BRD8: variants seen among roughly 807,000 people sequenced by gnomAD.
BRD8 encodes bromodomain containing 8, also known as bromodomain-containing protein 8.
Under a neutral mutation model 143.1 loss-of-function variants are expected in BRD8, and 67 were observed. The ratio of observed to expected loss-of-function variants is 0.47; its 90% confidence interval spans 0.38 to 0.57. BRD8 has a LOEUF of 0.57. Ranked by LOEUF, BRD8 falls within the 20% of genes least tolerant of loss-of-function variation. BRD8 has a pLI of 0.00. For missense variants in BRD8, 1,103 were observed against 1,503.0 expected, an observed-to-expected ratio of 0.73 and a Z score of 4.40; for synonymous variants, 505 against 517.1, an observed-to-expected ratio of 0.98 and a Z score of 0.32.
chr5:138,167,272 A>AC (rs1753515386), intron 9 of BRD8, among the ~76,000 whole-genome samples: 1 of 151,986 alleles, frequency 6.6e-6, no homozygotes, highest in Non-Finnish European at 1.5e-5. Flanking sequence ...TGTCTCAAAA[A>AC]AAACAACAAC....
At chr5:138,142,060 C>G (rs1004140297) in intron 25 of BRD8, among the ~76,000 whole-genome samples, 9 of 152,232 alleles carry the variant, frequency 5.9e-5, no homozygotes, top group South Asian at 4.1e-4. Context: ...GAGGTGGAGC[C>G]TTTGGGAGGT....
In BRD8 at chr5:138,163,169, A is replaced by G; in HGVS notation, c.2048T>C (p.Leu683Pro). ...AGGGCTGCTGGGGATGGAGTCTGCC[A>G]GTGTGTGTGACTGCAGTGTAGCATT... ...IHNATLQSHT[L>P]ADSIPSSPAS... The change falls in exon 15 of 27, where the codon CTG becomes CCG. Residue 683 changes from leucine to proline, a missense_variant. Around this residue, in one of 7 missense-constraint regions of BRD8, gnomAD observed 75 missense variants for 111.7 expected, o/e 0.67. Transcript: ENST00000254900. 6.2e-7 allele frequency: 1 copy of G among 1,614,112 alleles called. No homozygotes were observed. The highest frequency in any genetic ancestry group is 8.5e-7 in the Non-Finnish European group (1 of 1,180,022).
chr5:138,166,687 T>G lies in BRD8; in HGVS notation c.828A>C (p.Thr276=), dbSNP rs960275426. 3 of 1,613,704 alleles carry G rather than the reference T, an allele frequency of 1.9e-6. No homozygotes were observed. Among genetic ancestry groups the G allele is most frequent in the Non-Finnish European group, 2.5e-6 (3 of 1,179,846 alleles). Residue 276 remains threonine, a synonymous_variant, in exon 10 of 27, where the codon ACA becomes ACC. Coordinates refer to ENST00000254900, the MANE Select transcript of BRD8 (RefSeq NM_139199.2). The part of the protein sequence containing the change: ...TLSRLLEAGP[T]QFTTPLASFT... Reference sequence around the variant, plus strand: ...AGGAAGCAAGAGGTGTGGTGAACTGTGTAGGACCAGCTTCTAAAAGCCGGG... The same window carrying G: ...AGGAAGCAAGAGGTGTGGTGAACTGGGTAGGACCAGCTTCTAAAAGCCGGG...
At chr5:138,148,025 T>C (rs900464558) in intron 23 of BRD8, among the ~76,000 whole-genome samples, 2 of 152,002 alleles carry the variant, frequency 1.3e-5, no homozygotes, top group Non-Finnish European at 2.9e-5. Flanking sequence ...AGTCCTATAA[T>C]TATCTATACA....
chr5:138,165,067 CCCAGGGGCCAG>C lies in BRD8; in HGVS notation c.1367_1377del (p.Pro456ArgfsTer29). On this transcript the variant is annotated frameshift_variant, in exon 12 of 27. Transcript: ENST00000254900. LOFTEE classifies it high-confidence loss of function. ...TCCCGCTCCTGCTGGATAGGATGCTCCCAGGGGCCAGGCAGGGACTGAGGATCATCATTTTC... is the reference window on the plus strand; with the variant it reads ...TCCCGCTCCTGCTGGATAGGATGCTCGCAGGGACTGAGGATCATCATTTTC... The C allele has an allele frequency of 6.2e-7, 1 of 1,614,078 alleles. No individual in the cohort carries two copies. Among genetic ancestry groups the C allele is most frequent in the Non-Finnish European group, 8.5e-7 (1 of 1,180,006 alleles).
At position 138,157,400 on chromosome 5, in the gene BRD8, G is replaced by A; in HGVS notation, c.2577+2155C>T. On this transcript the variant is annotated intron_variant, in intron 20 of 26. Transcript: ENST00000254900. The stretch of plus-strand genomic sequence containing the variant: ...CAGCAGAAAAATCCAGAGGGATGAG[G>A]GGCATATTTCTGTCTTCCCACAGAG... The A allele has an allele frequency of 4.3e-6, 5 of 1,163,112 alleles. No individual in the cohort carries two copies. In the Admixed American group the frequency reaches 6.6e-5, roughly 15 times the overall value. 72.0% of individuals were successfully genotyped at this position (1,163,112 alleles called of 1,614,324 possible).
rs1286417251 is a variant in BRD8 at position 138,150,795 on chromosome 5, C to T, written c.3070G>A (p.Ala1024Thr). 6.2e-7 allele frequency: 1 copy of T among 1,614,192 alleles called. No individual in the cohort carries two copies. The highest frequency in any genetic ancestry group is 1.1e-5 in the South Asian group (1 of 91,078). The change falls in exon 22 of 27, where the codon GCT (alanine) becomes ACT (threonine). Residue 1024 changes from alanine to threonine, a missense_variant. Physicochemically the swap from Ala to Thr is moderately conservative, Grantham distance 58. Transcript: ENST00000254900. ...GENGKPEVAS[A>T]PSVICTVQGL... is the part of the protein sequence containing the mutation. ...TGAACTGTACAAATAACTGAGGGAG[C>T]TGAAGCCACCTCTGGCTTTCCATTT...
intron 25 of BRD8, among the ~76,000 whole-genome samples, chr5:138,143,756 A>G (rs1418724338): frequency 1.3e-5 from 2 of 152,140 alleles, no homozygotes; most frequent in African/African-American, 4.8e-5. Flanking sequence ...ACCAATCAGC[A>G]CTCTGTAAAA....
At chr5:138,165,751 G>A (rs1753364265) in intron 11 of BRD8, 77 bp downstream of exon 11, 4 of 1,244,430 alleles carry the variant, frequency 3.2e-6, no homozygotes, top group South Asian at 1.5e-5. Context: ...AAAAGCAGCA[G>A]CAGCACCAAA....
rs754063853 is a variant in BRD8 at position 138,164,152 on chromosome 5, C to T, written c.1826-19G>A. 4 of 1,613,636 alleles carry T rather than the reference C, an allele frequency of 2.5e-6. No individual in the cohort carries two copies. The highest frequency in any genetic ancestry group is 2.2e-5 in the South Asian group (2 of 91,070). ...AATGAGTCTGCAGAGGAGAGAAAGA[C>T]TACCTGAAGATTTTTCCACCTTAGC... On this transcript the variant is annotated intron_variant, in intron 13 of 26. Transcript: ENST00000254900.
In BRD8 at chr5:138,163,242, C is replaced by A; in HGVS notation, c.1975G>T (p.Asp659Tyr). The change falls in exon 15 of 27, where the codon GAT becomes TAT. Residue 659 changes from aspartate to tyrosine, a missense_variant. Coordinates refer to ENST00000254900, the MANE Select transcript of BRD8 (RefSeq NM_139199.2). The stretch of plus-strand genomic sequence containing the variant: ...CTCTCGCTCACAGGAGGTTCATTAT[C>A]CATTTCTGACAAGTAGCCTTCTCCT... ...DQGEGYLSEM[D>Y]NEPPVSESDD... is the part of the protein sequence containing the mutation. The A allele has an allele frequency of 6.2e-7, 1 of 1,614,102 alleles. No homozygotes were observed. Among genetic ancestry groups the A allele is most frequent in the Non-Finnish European group, 8.5e-7 (1 of 1,180,012 alleles).
At position 138,152,494 on chromosome 5, in the gene BRD8, G is replaced by A. The variant is rs1422986141; in HGVS notation, c.2844C>T (p.His948=). 6.2e-7 allele frequency: 1 copy of A among 1,614,120 alleles called. No individual in the cohort carries two copies. Among genetic ancestry groups the A allele is most frequent in the Non-Finnish European group, 8.5e-7 (1 of 1,180,000 alleles). The part of the protein sequence containing the change: ...ARKASHQNLL[H]FLSEVAYLME... ...AGCTCACTGTTACCTCAGAGAGAAA[G>A]TGGAGGAGGTTCTGGTGGCTGGCTT... The change falls in exon 21 of 27, where the codon CAC becomes CAT. Residue 948 remains histidine, a synonymous_variant. Coordinates refer to ENST00000254900, the MANE Select transcript of BRD8 (RefSeq NM_139199.2).
chr5:138,158,778 T>C (rs959485987), intron 20 of BRD8, among the ~76,000 whole-genome samples: 4 of 150,764 alleles, frequency 2.7e-5, no homozygotes, highest in Admixed American at 1.3e-4. Flanking sequence ...TTTTTTTTTT[T>C]CTTTTGAGAC....
At chr5:138,156,825 TACACACACACACACACACAC>T (rs67288912) in intron 20 of BRD8, 12 of 803,174 alleles carry the variant, frequency 1.5e-5, no homozygotes, top group Middle Eastern at 6.6e-4. Flanking sequence ...AAGTTTCAAA[TACACACACACACACACACAC>T]ACACACACAC....
At chr5:138,152,919 T>C (rs1752427092) in intron 20 of BRD8, among the ~76,000 whole-genome samples, 159 bp from the exon 21 acceptor site, 1 of 152,166 alleles carries the variant, frequency 6.6e-6, no homozygotes, top group South Asian at 2.1e-4. Flanking sequence ...AAGGGAGACA[T>C]GAGATGAAAT....
intron 2 of BRD8, among the ~76,000 whole-genome samples, chr5:138,176,778 G>T (rs1754367821): frequency 6.6e-6 from 1 of 151,836 alleles, no homozygotes; most frequent in Non-Finnish European, 1.5e-5. Flanking sequence ...TATAGTATGT[G>T]AATTATATCT....
At chr5:138,149,529 GT>G in intron 23 of BRD8, 110 bp downstream of exon 23, 1 of 945,610 alleles carries the variant, frequency 1.1e-6, no homozygotes, top group Non-Finnish European at 1.5e-6. Flanking sequence ...TATTTTTTGT[GT>G]TTTCCAACTC....
Position 138,152,469 on chromosome 5 carries a change from A to G in BRD8, c.2856+13T>C, listed in dbSNP as rs761633285. The G allele has an allele frequency of 4.3e-6, 7 of 1,612,456 alleles. No individual in the cohort carries two copies. In the East Asian group the frequency reaches 1.6e-4, roughly 36 times the overall value. ...AGGCTTTTCCAGCTTTGGAAATAAG[A>G]GCTCACTGTTACCTCAGAGAGAAAG... On this transcript the variant is annotated intron_variant, in intron 21 of 26. Transcript: ENST00000254900.
At chr5:138,167,519 T>C (rs965332871) in intron 9 of BRD8, 4 of 205,070 alleles carry the variant, frequency 2.0e-5, no homozygotes, top group Non-Finnish European at 4.0e-5. Flanking sequence ...GAAGTATATA[T>C]GTTACAATAA....
Sources: allele counts gnomAD v4.1 joint callset (sites outside exome capture counted in the v4.1 genomes callset), GRCh38; gene constraint gnomAD v4.1.1; regional missense constraint gnomAD v4.1.1; transcripts MANE v1.5; gene names NCBI Gene and HGNC (gene_info 2026-07-23, HGNC 2026-07-21).